The following C5orf58 variants were observed in gnomAD, a reference collection of about 807,000 sequenced individuals.
The protein encoded by C5orf58 is chromosome 5 open reading frame 58, also known as putative uncharacterized protein C5orf58.
Under a neutral mutation model 2.9 loss-of-function variants are expected in C5orf58, and 2 were observed. The observed-to-expected ratio is 0.69, with a 90% CI of 0.28 to 2.18. C5orf58 has a LOEUF of 2.18. Among genes scored for constraint, C5orf58 ranks in the 30% most tolerant of loss-of-function variants. The probability of loss-of-function intolerance (pLI) is 0.13; values close to 1 mark genes in which losing one functional copy is unlikely to be tolerated. For missense variants in C5orf58, 96 were observed against 91.7 expected (o/e 1.05, Z -0.19); for synonymous variants, 37 against 33.4 (o/e 1.11, Z -0.37).
At chr5:170,239,126 G>A (rs1297230016) in intron 3 of C5orf58, among the ~76,000 whole-genome samples, 14 of 152,152 alleles carry the variant, frequency 9.2e-5, no homozygotes. Context: ...AATAACCCAA[G>A]AGCAAATTTA....
At chr5:170,252,064 A>G in exon 3 of C5orf58, 1 of 198,022 alleles carries the variant, frequency 5.0e-6, no homozygotes, top group Non-Finnish European at 1.1e-5. Flanking sequence ...TCACATCAAC[A>G]TGGATGGCAC....
chr5:170,248,889 T>G, downstream of C5orf58: 1 of 1,493,434 alleles, frequency 6.7e-7, no homozygotes, highest in Non-Finnish European at 9.3e-7. Flanking sequence ...TTCAGTTTTT[T>G]TATCTGCATA....
At chr5:170,248,364 C>A, downstream of C5orf58, 1 of 213,480 alleles carries the variant, frequency 4.7e-6, no homozygotes, top group South Asian at 6.1e-5. Flanking sequence ...TGTTTTAAAA[C>A]TTGCCCCAAA....
chr5:170,237,327 C>A, intron 3 of C5orf58: 1 of 398,386 alleles, frequency 2.5e-6, no homozygotes, highest in Non-Finnish European at 4.4e-6. Context: ...CTTCTAAGAG[C>A]TCTGCATAAA....
chr5:170,235,184 C>G lies in C5orf58; in HGVS notation c.94+114C>G, dbSNP rs1760692689. The G allele has an allele frequency of 3.5e-5, 21 of 605,492 alleles. No individual in the cohort carries two copies. In the South Asian group the frequency reaches 3.8e-4, roughly 11 times the overall value. The allele number at this position is 605,492 out of a possible 1,614,324, so 37.5% of individuals were successfully genotyped here. A position where few individuals can be genotyped will look rare whatever the true frequency, so the allele number is the denominator to read the frequency against. ...ATTTTGCCCACTAATTAGGATTTCT[C>G]TATTTCTTAACAAATGTTTTCAGTG... On this transcript the variant is annotated intron_variant, in intron 3 of 3. Coordinates refer to ENST00000593851, the MANE Select transcript of C5orf58 (RefSeq NM_001102609.3).
downstream of C5orf58, chr5:170,250,747 C>T (rs758091686): frequency 1.2e-6 from 2 of 1,613,388 alleles, no homozygotes; most frequent in Non-Finnish European, 1.7e-6. Context: ...CCTCGGAGTC[C>T]AGTTCCCAAC....
chr5:170,248,072 AAACC>A (rs1298185163), downstream of C5orf58: 7 of 152,258 alleles, frequency 4.6e-5, no homozygotes, highest in Admixed American at 4.6e-4. Flanking sequence ...TTGTTTTAGG[AAACC>A]AAAAAAGTAA....
chr5:170,233,921 T>C, intron 1 of C5orf58, 194 bp from the exon 2 acceptor site: 1 of 364,502 alleles, frequency 2.7e-6, no homozygotes. Flanking sequence ...TTACTATTTT[T>C]AAAAAACTTT....
chr5:170,248,142 A>G (rs10045290), downstream of C5orf58: 1 of 149,616 alleles, frequency 6.7e-6, no homozygotes, highest in East Asian at 1.9e-4. Flanking sequence ...GTCTTTTCAT[A>G]AAAAAATTAC....
intron 3 of C5orf58, among the ~76,000 whole-genome samples, chr5:170,236,235 G>A (rs973146924): frequency 2.0e-5 from 3 of 151,874 alleles, no homozygotes; most frequent in Non-Finnish European, 2.9e-5. Flanking sequence ...GGGCATGGCC[G>A]TTCGTTAGGC....
At chr5:170,236,906 C>T (rs1247313727) in intron 3 of C5orf58, among the ~76,000 whole-genome samples, 3 of 152,078 alleles carry the variant, frequency 2.0e-5, no homozygotes, top group African/African-American at 4.8e-5. Context: ...TTTTCTTATC[C>T]CTGCTCAACT....
At chr5:170,233,243 T>G (rs1279080646) in intron 1 of C5orf58, 1 of 152,270 alleles carries the variant, frequency 6.6e-6, no homozygotes, top group African/African-American at 2.4e-5. Flanking sequence ...TCTGAGGGCA[T>G]TTTACATTAC....
downstream of C5orf58, chr5:170,248,577 C>A: frequency 1.0e-6 from 1 of 1,002,716 alleles, no homozygotes; most frequent in South Asian, 1.4e-5. Context: ...AGGATAAAAC[C>A]CTTGTGTTCA....
downstream of C5orf58, among the ~76,000 whole-genome samples, chr5:170,249,362 G>GTATATATATATATATATA (rs72371153): frequency 4.6e-5 from 5 of 108,132 alleles, no homozygotes; most frequent in African/African-American, 1.5e-4. Flanking sequence ...GCATGCGTGT[G>GTATATATATATATATATA]TATATATATA....
rs1164448511 is a variant in C5orf58 at position 170,235,890 on chromosome 5, G to A, written c.94+820G>A. Among the ~76,000 whole-genome samples the A allele has an allele frequency of 2.0e-5, 3 of 152,116 alleles. No individual in the cohort carries two copies. The East Asian group carries it at 5.8e-4, about 29-fold the overall frequency. On this transcript the variant is annotated intron_variant, in intron 3 of 3. Transcript: ENST00000593851. ...AAACAAGAAGATCCAAGGTAGCAGA[G>A]CCCTAAAGTTAATTCAGAGGTTTAA...
chr5:170,238,339 T>C (rs56155165), intron 3 of C5orf58, among the ~76,000 whole-genome samples: 5,446 of 152,178 alleles, frequency 0.036, 331 homozygotes, highest in African/African-American at 0.12. Flanking sequence ...AAATTAAAAA[T>C]GTGACCATAG....
rs1761453391 is a variant in C5orf58 at position 170,251,920 on chromosome 5, T to C, written c.*265T>C. On this transcript the variant is annotated 3_prime_UTR_variant, in exon 3 of 3. Coordinates refer to the C5orf58 transcript ENST00000517575. ...AAGATTTTTGCTTTCCCATTTCTGA[T>C]AAATAAATCTAAGGTAAAGTTTCGG... The C allele has an allele frequency of 4.9e-5, 12 of 246,884 alleles. No individual in the cohort carries two copies. In the South Asian group the frequency reaches 5.0e-4, roughly 10 times the overall value. The allele number at this position is 246,884 out of a possible 1,614,324, so 15.3% of individuals were successfully genotyped here. A position where few individuals can be genotyped will look rare whatever the true frequency, so the allele number is the denominator to read the frequency against.
chr5:170,245,713 A>G (rs1761249316), intron 3 of C5orf58, among the ~76,000 whole-genome samples: 1 of 152,190 alleles, frequency 6.6e-6, no homozygotes, highest in Non-Finnish European at 1.5e-5. Context: ...TCAGATGGAA[A>G]TGCAGAAATC....
chr5:170,235,071 G>C lies in C5orf58; in HGVS notation c.94+1G>C. On this transcript the variant is annotated splice_donor_variant, in intron 3 of 3. Coordinates refer to ENST00000593851, the MANE Select transcript of C5orf58 (RefSeq NM_001102609.3). LOFTEE classifies it high-confidence loss of function. ...TCTTCGGAGTTGAAGAAGATAAAAG[G>C]TAAGTATTGAATCACTAAAATGTTT... The C allele has an allele frequency of 7.3e-7, 1 of 1,375,514 alleles. No homozygotes were observed. Among genetic ancestry groups the C allele is most frequent in the South Asian group, 1.3e-5 (1 of 78,848 alleles). The allele number at this position is 1,375,514 out of a possible 1,614,324, so 85.2% of individuals were successfully genotyped here. A position where few individuals can be genotyped will look rare whatever the true frequency, so the allele number is the denominator to read the frequency against.
Sources: allele counts gnomAD v4.1 joint callset (sites outside exome capture counted in the v4.1 genomes callset), GRCh38; gene constraint gnomAD v4.1.1; transcripts MANE v1.5; gene names NCBI Gene and HGNC (gene_info 2026-07-23, HGNC 2026-07-21).